Variants in ADAMTS12 observed in about 807,000 individuals in gnomAD.
ADAMTS12 encodes the protein A disintegrin and metalloproteinase with thrombospondin motifs 12.
Under a neutral mutation model 167.8 loss-of-function variants are expected in ADAMTS12, and 118 were observed. That is an observed-to-expected ratio of 0.70 (90% CI 0.61 to 0.82). ADAMTS12 has a LOEUF of 0.82. ADAMTS12 is among the 40% of genes least tolerant of loss of function. ADAMTS12 has a pLI of 0.00. For synonymous variants in ADAMTS12, 704 were observed against 716.9 expected (o/e 0.98, Z 0.29); for missense variants, 1,916 against 1,998.8 (o/e 0.96, Z 0.79).
At chr5:33,554,520 A>G (rs1253485117) in intron 20 of ADAMTS12, among the ~76,000 whole-genome samples, 2 of 152,184 alleles carry the variant, frequency 1.3e-5, no homozygotes, top group Non-Finnish European at 2.9e-5. Context: ...TTATATCAAC[A>G]GTAAAATAAA....
At chr5:33,778,800 A>G (rs186975267) in intron 2 of ADAMTS12, among the ~76,000 whole-genome samples, 5 of 152,302 alleles carry the variant, frequency 3.3e-5, no homozygotes, top group Admixed American at 3.3e-4. Flanking sequence ...TCCAAAATAC[A>G]TAAGAAATTT....
At chr5:33,739,953 A>ATTGGTGG (rs1744507204) in intron 3 of ADAMTS12, among the ~76,000 whole-genome samples, 2 of 152,366 alleles carry the variant, frequency 1.3e-5, no homozygotes, top group South Asian at 4.1e-4. Flanking sequence ...TTTAAACCAC[A>ATTGGTGG]TTGGTGTGAA....
intron 13 of ADAMTS12, among the ~76,000 whole-genome samples, chr5:33,629,643 T>G (rs1202689189): frequency 6.6e-6 from 1 of 152,206 alleles, no homozygotes; most frequent in African/African-American, 2.4e-5. Context: ...CAAAGAATAC[T>G]TTTGCAATGA....
At chr5:33,848,831 G>A (rs184694003) in intron 2 of ADAMTS12, among the ~76,000 whole-genome samples, 7 of 152,028 alleles carry the variant, frequency 4.6e-5, no homozygotes, top group East Asian at 3.8e-4. Context: ...AATCTAGAAC[G>A]TAGATTATTA....
intron 2 of ADAMTS12, among the ~76,000 whole-genome samples, chr5:33,854,721 A>AG (rs1444975323): frequency 6.6e-6 from 1 of 152,172 alleles, no homozygotes; most frequent in African/African-American, 2.4e-5. Flanking sequence ...AGGGAGGGGG[A>AG]GAAAAAACCA....
chr5:33,541,730 C>T (rs1744705300), intron 22 of ADAMTS12, among the ~76,000 whole-genome samples: 1 of 152,160 alleles, frequency 6.6e-6, no homozygotes, highest in South Asian at 2.1e-4. Context: ...CATATACAAC[C>T]AAACTAAGCT....
chr5:33,709,708 G>C, intron 3 of ADAMTS12, among the ~76,000 whole-genome samples: 1 of 152,012 alleles, frequency 6.6e-6, no homozygotes, highest in East Asian at 1.9e-4. Flanking sequence ...ATTGTTGTGG[G>C]GGGATGTGGG....
intron 8 of ADAMTS12, 89 bp from the exon 9 acceptor site, chr5:33,649,055 ACT>A: frequency 6.7e-7 from 1 of 1,503,184 alleles, no homozygotes. Context: ...CCTCTGGTTT[ACT>A]CTTTGTCCTT....
At chr5:33,580,492 T>C (rs1406112482) in intron 18 of ADAMTS12, among the ~76,000 whole-genome samples, 1 of 152,098 alleles carries the variant, frequency 6.6e-6, no homozygotes, top group African/African-American at 2.4e-5. Flanking sequence ...GGATTACAAT[T>C]TGGATTACCA....
At chr5:33,675,829 C>T (rs1741881267) in intron 5 of ADAMTS12, among the ~76,000 whole-genome samples, 1 of 152,082 alleles carries the variant, frequency 6.6e-6, no homozygotes, top group Non-Finnish European at 1.5e-5. Flanking sequence ...ATCACAGAAG[C>T]CTTGAGAATA....
chr5:33,578,231 T>C (rs1466674071), intron 18 of ADAMTS12, among the ~76,000 whole-genome samples: 2 of 152,174 alleles, frequency 1.3e-5, no homozygotes, highest in East Asian at 1.9e-4. Flanking sequence ...GGGGACTGCA[T>C]AATGATTTCA....
chr5:33,719,331 A>G (rs6451020), intron 3 of ADAMTS12, among the ~76,000 whole-genome samples: 86,958 of 151,968 alleles, frequency 0.57, 26,628 homozygotes, highest in Non-Finnish European at 0.69. Context: ...TGTTTCTCCC[A>G]AGAGGTTTTA....
At position 33,616,038 on chromosome 5, in the gene ADAMTS12, T is replaced by C; in HGVS notation, c.2178A>G (p.Ala726=). 2 of 1,614,160 alleles carry C rather than the reference T, an allele frequency of 1.2e-6. No individual in the cohort carries two copies. Among genetic ancestry groups the C allele is most frequent in the Non-Finnish European group, 8.5e-7 (1 of 1,180,002 alleles). The change falls in exon 15 of 24, where the codon GCA becomes GCG. Residue 726 remains alanine, a synonymous_variant. Coordinates refer to ENST00000504830, the MANE Select transcript of ADAMTS12 (RefSeq NM_030955.4). ...YVDIGLIPKG[A]RDIRVMEIEG... ...CAATTTCCATCACTCTTATGTCCCTTGCTCCTTTTGGAATGAGCCCAATGT... is the reference window on the plus strand; with the variant it reads ...CAATTTCCATCACTCTTATGTCCCTCGCTCCTTTTGGAATGAGCCCAATGT...
At chr5:33,723,344 G>A (rs75126881) in intron 3 of ADAMTS12, among the ~76,000 whole-genome samples, 2,668 of 152,172 alleles carry the variant, frequency 0.018, 75 homozygotes, top group African/African-American at 0.062. Flanking sequence ...TTTTAATCCT[G>A]TGTATCTCTC....
intron 3 of ADAMTS12, among the ~76,000 whole-genome samples, chr5:33,748,011 A>G (rs1311472676): frequency 6.6e-6 from 1 of 152,210 alleles, no homozygotes; most frequent in Non-Finnish European, 1.5e-5. Context: ...GTATGCCAGG[A>G]GCCAGACCCT....
chr5:33,629,535 G>A (rs1246881121), intron 13 of ADAMTS12, among the ~76,000 whole-genome samples: 1 of 152,076 alleles, frequency 6.6e-6, no homozygotes, highest in African/African-American at 2.4e-5. Context: ...TATAGCCAGG[G>A]AAGGCTAGGA....
rs532929650 is a variant in ADAMTS12, at chr5:33,806,665, C to G, written c.490-55117G>C. 2.9e-3 allele frequency among the ~76,000 whole-genome samples: 442 copies of G among 152,258 alleles called. 2 individuals are homozygous for G. The highest frequency in any genetic ancestry group is 4.7e-3 in the Non-Finnish European group (317 of 68,028). On this transcript the variant is annotated intron_variant, in intron 2 of 23. Coordinates refer to ENST00000504830, the MANE Select transcript of ADAMTS12 (RefSeq NM_030955.4). ...AAAAACATGTTACTGAGGCCACAAC[C>G]TGGAAACTTTCACTTAGATTCTAGA...
Position 33,658,288 on chromosome 5 carries a change from G to A in ADAMTS12, c.1086C>T (p.Gly362=), listed in dbSNP as rs1167977819. The A allele has an allele frequency of 6.2e-7, 1 of 1,613,610 alleles. No individual in the cohort carries two copies. Among genetic ancestry groups the A allele is most frequent in the Non-Finnish European group, 8.5e-7 (1 of 1,179,702 alleles). The change falls in exon 7 of 24, where the codon GGC becomes GGT. Residue 362 remains glycine (G), a synonymous_variant. Coordinates refer to ENST00000504830, the MANE Select transcript of ADAMTS12 (RefSeq NM_030955.4). ...AGFNRPCETL[G]LSHLSGMCQP... ...GACACATTCCTGAAAGGTGAGACAG[G>A]CCCAGGGTCTCGCAGGGGCGATTGA... is the stretch of plus-strand genomic sequence containing the variant.
intron 19 of ADAMTS12, among the ~76,000 whole-genome samples, chr5:33,565,683 T>C (rs949984249): frequency 6.6e-6 from 1 of 151,586 alleles, no homozygotes; most frequent in Non-Finnish European, 1.5e-5. Flanking sequence ...TGTTTTTTTT[T>C]TTTTTTTTGG....
Sources: gnomAD v4.1 joint callset for allele counts (sites outside exome capture counted in the v4.1 genomes callset) on GRCh38, gnomAD v4.1.1 for gene constraint, MANE v1.5 for transcripts, NCBI Gene and HGNC (gene_info 2026-07-23, HGNC 2026-07-21) for gene names.